The following ZFYVE16 variants were observed in gnomAD, a reference collection of about 807,000 sequenced individuals.
ZFYVE16 encodes the protein zinc finger FYVE-type containing 16.
In ZFYVE16, 89 loss-of-function variants were observed where a neutral mutation model predicts 138.1. The observed-to-expected ratio is 0.64, with a 90% CI of 0.54 to 0.77. ZFYVE16 has a LOEUF of 0.77. Ranked by LOEUF, ZFYVE16 falls within the 30% of genes least tolerant of loss-of-function variation. The pLI is 0.00. For missense variants in ZFYVE16, 1,793 were observed against 1,786.7 expected, an observed-to-expected ratio of 1.00 and a Z score of -0.06; for synonymous variants, 596 against 618.3, an observed-to-expected ratio of 0.96 and a Z score of 0.53.
At chr5:80,473,204 G>A (rs1408511140) in intron 16 of ZFYVE16, among the ~76,000 whole-genome samples, 5 of 152,110 alleles carry the variant, frequency 3.3e-5, no homozygotes, top group South Asian at 4.1e-4. Flanking sequence ...GGCTGAAAAG[G>A]CAAGACACTT....
intron 2 of ZFYVE16, among the ~76,000 whole-genome samples, chr5:80,432,155 G>A (rs954497539): frequency 1.3e-5 from 2 of 152,164 alleles, no homozygotes; most frequent in Admixed American, 6.5e-5. Flanking sequence ...AAACAAAGCT[G>A]GAGGCATCAC....
intron 15 of ZFYVE16, among the ~76,000 whole-genome samples, chr5:80,471,683 G>A (rs1042572950): frequency 1.2e-4 from 19 of 152,150 alleles, no homozygotes; most frequent in South Asian, 8.3e-4. Flanking sequence ...CAAAGAGAGC[G>A]CCCCGTTGCA....
chr5:80,455,496 T>C, intron 11 of ZFYVE16, 196 bp from the exon 12 acceptor site: 1 of 521,306 alleles, frequency 1.9e-6, no homozygotes, highest in Middle Eastern at 5.3e-4. Context: ...ATTGCACCGC[T>C]GCACTCCAGC....
rs539747848 is a variant in ZFYVE16 at position 80,422,539 on chromosome 5, C to T, written c.-93-4953C>T. On this transcript the variant is annotated intron_variant, in intron 1 of 18. Coordinates refer to ENST00000505560, the MANE Select transcript of ZFYVE16 (RefSeq NM_001284236.3). ...GCGTGATCTCGGGTCACTGCAACCT[C>T]CGCCTCCCGGATTCAAGTGATTCTC... Among the ~76,000 whole-genome samples the T allele has an allele frequency of 2.0e-5, 3 of 152,224 alleles. No homozygotes were observed. The South Asian group carries it at 6.2e-4, about 32-fold the overall frequency.
intron 5 of ZFYVE16, chr5:80,441,569 C>T (rs867464772): frequency 2.1e-5 from 21 of 984,974 alleles, no homozygotes; most frequent in Middle Eastern, 5.2e-4. Context: ...AAGAGAAAGA[C>T]GGTTCATGGG....
chr5:80,470,915 T>C (rs1754302325), intron 15 of ZFYVE16, among the ~76,000 whole-genome samples: 1 of 140,314 alleles, frequency 7.1e-6, no homozygotes, highest in African/African-American at 2.5e-5. Flanking sequence ...TTATTGTAAA[T>C]ACAAAATTGC....
Position 80,436,807 on chromosome 5 carries a change from G to C in ZFYVE16, c.122G>C (p.Cys41Ser). 1 of 1,614,082 alleles carries C rather than the reference G, an allele frequency of 6.2e-7. No individual in the cohort carries two copies. Among genetic ancestry groups the C allele is most frequent in the Non-Finnish European group, 8.5e-7 (1 of 1,180,020 alleles). The change falls in exon 4 of 19, where the codon TGC becomes TCC. Residue 41 changes from cysteine to serine, a missense_variant. Physicochemically the swap from Cys to Ser is moderately radical, Grantham distance 112 (BLOSUM62 -1). Around this residue, in one of 2 missense-constraint regions of ZFYVE16, gnomAD observed 1,295 missense variants for 1,204.3 expected, o/e 1.08. Coordinates refer to ENST00000505560, the MANE Select transcript of ZFYVE16 (RefSeq NM_001284236.3). ...DVQNAYDSNH[C>S]SVSSELASSQ... is the part of the protein sequence containing the mutation. ...CAAAATGCATATGATTCTAACCACT[G>C]CTCAGTTTCTTCAGAGTTGGCTTCC... is the stretch of plus-strand genomic sequence containing the variant.
In ZFYVE16 at chr5:80,482,346, C is replaced by T. The variant is rs976330097; in HGVS notation, c.*4969C>T. The T allele has an allele frequency of 1.3e-5, 2 of 151,926 alleles. No individual in the cohort carries two copies. The highest frequency in any genetic ancestry group is 6.6e-5 in the Admixed American group (1 of 15,260). The allele number at this position is 151,926 out of a possible 1,614,324, so 9.4% of individuals were successfully genotyped here. On this transcript the variant is annotated 3_prime_UTR_variant, in exon 19 of 19. Transcript: ENST00000505560. ...GGAAGAGTCAGTAAATTTGAAGATACATGAGCAGAAATTATCTAGTCTGAA... is the reference window on the plus strand; with the variant it reads ...GGAAGAGTCAGTAAATTTGAAGATATATGAGCAGAAATTATCTAGTCTGAA...
In ZFYVE16 at chr5:80,422,975, C is replaced by A. The variant is rs146582578; in HGVS notation, c.-93-4517C>A. On this transcript the variant is annotated intron_variant, in intron 1 of 18. Transcript: ENST00000505560. ...ACCTATGTTCATGGGCAATATTGGT[C>A]TGTAGTTTTCCTTTCTTGCAGTGTC... is the stretch of plus-strand genomic sequence containing the variant. 6.2e-3 allele frequency among the ~76,000 whole-genome samples: 948 copies of A among 152,178 alleles called. 10 individuals carry two copies. Among genetic ancestry groups the A allele is most frequent in the African/African-American group, 0.021 (877 of 41,514 alleles).
At chr5:80,422,713 A>C (rs2112232601) in intron 1 of ZFYVE16, among the ~76,000 whole-genome samples, 1 of 152,268 alleles carries the variant, frequency 6.6e-6, no homozygotes, top group Non-Finnish European at 1.5e-5. Flanking sequence ...TCAGCCTCGC[A>C]AAGTACTGGG....
rs998524791 is a variant in ZFYVE16 at position 80,437,818 on chromosome 5, T to G, written c.1133T>G (p.Leu378Arg). ...SKDVPSSLSC[L>R]PASGSMCGSL... ...GATGTGCCGTCCTCATTGTCCTGTCTTCCTGCGTCTGGGTCTATGTGTGGA... is the reference window on the plus strand; with the variant it reads ...GATGTGCCGTCCTCATTGTCCTGTCGTCCTGCGTCTGGGTCTATGTGTGGA... The change falls in exon 4 of 19, where the codon CTT (leucine) becomes CGT (arginine). Residue 378 changes from leucine to arginine, a missense_variant. Leu to Arg is a moderately radical substitution (Grantham distance 102). Around this residue, in one of 2 missense-constraint regions of ZFYVE16, gnomAD observed 1,295 missense variants for 1,204.3 expected, o/e 1.08. Coordinates refer to ENST00000505560, the MANE Select transcript of ZFYVE16 (RefSeq NM_001284236.3). 25 of 1,613,990 alleles carry G rather than the reference T, an allele frequency of 1.5e-5. 1 individual carries two copies. The highest frequency in any genetic ancestry group is 7.7e-5 in the South Asian group (7 of 91,088).
rs373310930 is a variant in ZFYVE16 at position 80,415,400 on chromosome 5, T to C, written c.-94+7247T>C. Among the ~76,000 whole-genome samples the C allele has an allele frequency of 9.8e-5, 15 of 152,324 alleles. 1 individual carries two copies. In the South Asian group the frequency reaches 3.1e-3, roughly 32 times the overall value. On this transcript the variant is annotated intron_variant, in intron 1 of 18. Transcript: ENST00000505560. The stretch of plus-strand genomic sequence containing the variant: ...CCTCATTTTTCCTCTAATATGCTTT[T>C]TCTGTTCCAGGATCCCATCCAGGAT...
In ZFYVE16 at chr5:80,434,180, C is replaced by G; in HGVS notation, c.33C>G (p.Asp11Glu). The change falls in exon 3 of 19, where the codon GAC (aspartate) becomes GAG (glutamate). Residue 11 changes from aspartate to glutamate, a missense_variant. By Grantham distance (45) the Asp-to-Glu change is conservative. This residue lies in a region of ZFYVE16 where 1,295 missense variants were observed against 1,204.3 expected (regional missense o/e 1.08). Transcript: ENST00000505560. Reference sequence around the variant, plus strand: ...GTTATTTTAAAGCAGCTGTCAGTGACTTGGACAAACTCCTTGATGATTTTG... The same window carrying G: ...GTTATTTTAAAGCAGCTGTCAGTGAGTTGGACAAACTCCTTGATGATTTTG... MDSYFKAAVSDLDKLLDDFEQ... is the reference protein window; with the variant it reads MDSYFKAAVSELDKLLDDFEQ... The G allele has an allele frequency of 6.2e-7, 1 of 1,613,432 alleles. No homozygotes were observed. Among genetic ancestry groups the G allele is most frequent in the Non-Finnish European group, 8.5e-7 (1 of 1,179,616 alleles).
Position 80,480,482 on chromosome 5 carries a change from TTCA to T in ZFYVE16, c.*3107_*3109del, listed in dbSNP as rs1467630124. ...GAATACAGTGAAAAATCCTAAGTGC[TTCA>T]TTAGCTGTGAGAGGAGAGGCAAGAA... On this transcript the variant is annotated 3_prime_UTR_variant, in exon 19 of 19. Coordinates refer to ENST00000505560, the MANE Select transcript of ZFYVE16 (RefSeq NM_001284236.3). Among the ~76,000 whole-genome samples, 1 of 151,630 alleles carries T rather than the reference TTCA, an allele frequency of 6.6e-6. No individual in the cohort carries two copies. The highest frequency in any genetic ancestry group is 1.5e-5 in the Non-Finnish European group (1 of 67,962).
At chr5:80,463,214 A>T (rs1484208114) in intron 15 of ZFYVE16, among the ~76,000 whole-genome samples, 1 of 152,096 alleles carries the variant, frequency 6.6e-6, no homozygotes, top group Non-Finnish European at 1.5e-5. Context: ...TGAGGGTTCC[A>T]CCCCTGCAGC....
intron 1 of ZFYVE16, among the ~76,000 whole-genome samples, chr5:80,414,533 AC>A (rs1745923240): frequency 6.6e-6 from 1 of 151,284 alleles, no homozygotes; most frequent in South Asian, 2.1e-4. Context: ...TTTTTATTTA[AC>A]CCTCACATTT....
Position 80,445,344 on chromosome 5 carries a change from TATC to T in ZFYVE16, c.2667_2669del (p.Ser890del). 6.2e-7 allele frequency: 1 copy of T among 1,614,018 alleles called. No individual in the cohort carries two copies. The highest frequency in any genetic ancestry group is 1.1e-5 in the South Asian group (1 of 91,076). On this transcript the variant is annotated inframe_deletion, in exon 7 of 19. Coordinates refer to ENST00000505560, the MANE Select transcript of ZFYVE16 (RefSeq NM_001284236.3). ...GGTGAAGTTGCAGATACAACAAAAT[TATC>T]ATCTGGAAGTAAAAGATGTTCTGAA...
chr5:80,420,602 A>G (rs1178431612), intron 1 of ZFYVE16, among the ~76,000 whole-genome samples: 1 of 152,172 alleles, frequency 6.6e-6, no homozygotes, highest in Non-Finnish European at 1.5e-5. Context: ...AGCTTCATCC[A>G]TGTCCCTACA....
intron 2 of ZFYVE16, among the ~76,000 whole-genome samples, chr5:80,429,826 A>G (rs965280405): frequency 9.4e-5 from 6 of 63,554 alleles, no homozygotes; most frequent in Admixed American, 2.4e-4. Context: ...TAAACCAACA[A>G]AGATCAAAAG....
Sources: allele counts gnomAD v4.1 joint callset (sites outside exome capture counted in the v4.1 genomes callset), GRCh38; gene constraint gnomAD v4.1.1; regional missense constraint gnomAD v4.1.1; transcripts MANE v1.5; gene names NCBI Gene and HGNC (gene_info 2026-07-23, HGNC 2026-07-21).